Variants in KATNIP observed in about 807,000 individuals in gnomAD.
KATNIP encodes the protein katanin-interacting protein.
KATNIP carries 126 observed loss-of-function variants against 174.0 expected under a neutral mutation model. The observed-to-expected ratio is 0.72, with a 90% CI of 0.63 to 0.84. The LOEUF is 0.84. Among genes scored for constraint, KATNIP ranks in the 40% least tolerant of loss-of-function variants. The pLI is 0.00. For synonymous variants in KATNIP, 810 were observed against 835.7 expected (o/e 0.97, Z 0.53); for missense variants, 1,958 against 2,109.7 (o/e 0.93, Z 1.41).
At chr16:27,624,147 G>A (rs939319824) in intron 3 of KATNIP, among the ~76,000 whole-genome samples, 2 of 151,778 alleles carry the variant, frequency 1.3e-5, no homozygotes, top group Non-Finnish European at 2.9e-5. Flanking sequence ...TTCTCCTGGG[G>A]CTGCAGGCCC....
rs150681595 is a variant in KATNIP at position 27,749,697 on chromosome 16, C to T, written c.2737C>T (p.Arg913Cys). ...LSAFDRSHRG[R>C]ISNTELPGDI... ...TGCCTTCGACCGCTCCCACCGGGGA[C>T]GCATCTCCAACACGGAGCTCCCGGG... Residue 913 changes from arginine (R) to cysteine (C), a missense_variant, in exon 16 of 28, where the codon CGC becomes TGC. Arg to Cys is a radical substitution (Grantham distance 180). Around this residue, in one of 3 missense-constraint regions of KATNIP, gnomAD observed 1,557 missense variants for 1,617.8 expected, o/e 0.96. Coordinates refer to ENST00000261588, the MANE Select transcript of KATNIP (RefSeq NM_015202.5). The T allele has an allele frequency of 1.8e-5, 29 of 1,613,414 alleles. No individual in the cohort carries two copies. Among genetic ancestry groups the T allele is most frequent in the Admixed American group, 6.7e-5 (4 of 59,920 alleles).
Position 27,740,849 on chromosome 16 carries a change from C to T in KATNIP, c.2552C>T (p.Ala851Val), listed in dbSNP as rs1183859580. 6.2e-7 allele frequency: 1 copy of T among 1,612,102 alleles called. No individual in the cohort carries two copies. Among genetic ancestry groups the T allele is most frequent in the Non-Finnish European group, 8.5e-7 (1 of 1,179,136 alleles). The change falls in exon 15 of 28, where the codon GCT becomes GTT. Residue 851 changes from alanine (A) to valine (V), a missense_variant. This residue lies in a region of KATNIP where 1,557 missense variants were observed against 1,617.8 expected (regional missense o/e 0.96). Coordinates refer to ENST00000261588, the MANE Select transcript of KATNIP (RefSeq NM_015202.5). ...CAGCCCCCCAACAGAGAGCGCCCTG[C>T]TAGTGGGAGGAGGGGCTCAAGGAAG... ...FNQPPNRERPASGRRGSRKDA... is the reference protein window; with the variant it reads ...FNQPPNRERPVSGRRGSRKDA...
intron 5 of KATNIP, among the ~76,000 whole-genome samples, chr16:27,646,178 G>C (rs1008549489): frequency 1.3e-5 from 2 of 152,148 alleles, no homozygotes; most frequent in Non-Finnish European, 2.9e-5. Flanking sequence ...GTTTCAGTGG[G>C]GCTCGCTTCA....
intron 13 of KATNIP, among the ~76,000 whole-genome samples, chr16:27,713,706 ATAT>A (rs1304004640): frequency 3.6e-5 from 5 of 138,776 alleles, no homozygotes; most frequent in South Asian, 4.3e-4. Context: ...ATACACATAC[ATAT>A]TATATATATG....
At chr16:27,706,787 C>T (rs781123957) in intron 12 of KATNIP, among the ~76,000 whole-genome samples, 4 of 152,242 alleles carry the variant, frequency 2.6e-5, no homozygotes, top group African/African-American at 9.6e-5. Flanking sequence ...GCAAGGTGAA[C>T]GGTGCCACTT....
At chr16:27,642,286 A>C (rs953685074) in intron 5 of KATNIP, among the ~76,000 whole-genome samples, 2 of 152,200 alleles carry the variant, frequency 1.3e-5, no homozygotes, top group African/African-American at 4.8e-5. Flanking sequence ...GAATGCTGGA[A>C]TCATTCTCAG....
At chr16:27,585,151 A>G (rs2090844312) in intron 2 of KATNIP, among the ~76,000 whole-genome samples, 1 of 152,110 alleles carries the variant, frequency 6.6e-6, no homozygotes, top group South Asian at 2.1e-4. Flanking sequence ...TCTGATACTT[A>G]CCTCCCCAAA....
At chr16:27,573,879 T>C in intron 1 of KATNIP, 22 bp from the exon 2 acceptor site, 1 of 1,613,772 alleles carries the variant, frequency 6.2e-7, no homozygotes, top group South Asian at 1.1e-5. Context: ...TTAATCTTGG[T>C]TCTGCTTTTG....
chr16:27,749,492 C>T lies in KATNIP; in HGVS notation c.2624-92C>T. The T allele has an allele frequency of 3.5e-6, 5 of 1,433,782 alleles. No individual in the cohort carries two copies. The South Asian group carries it at 7.6e-5, about 22-fold the overall frequency. 88.8% of individuals were successfully genotyped at this position (1,433,782 alleles called of 1,614,324 possible). On this transcript the variant is annotated intron_variant, in intron 15 of 27. Coordinates refer to ENST00000261588, the MANE Select transcript of KATNIP (RefSeq NM_015202.5). The stretch of plus-strand genomic sequence containing the variant: ...CTCCCCTGGAGGTGGCCCTGCCTCA[C>T]TGAGAGCCACCACAGGAGACAGTCT...
intron 6 of KATNIP, among the ~76,000 whole-genome samples, chr16:27,654,155 T>C (rs2077197786): frequency 6.6e-6 from 1 of 152,046 alleles, no homozygotes; most frequent in Non-Finnish European, 1.5e-5. Flanking sequence ...TTTGAATTTT[T>C]AGTAGAGATG....
At chr16:27,589,616 G>C (rs966372156) in intron 2 of KATNIP, among the ~76,000 whole-genome samples, 1 of 152,140 alleles carries the variant, frequency 6.6e-6, no homozygotes, top group Non-Finnish European at 1.5e-5. Context: ...CTTTCTAATT[G>C]TATGGAATAG....
intron 15 of KATNIP, among the ~76,000 whole-genome samples, chr16:27,746,993 A>C (rs1275873958): frequency 6.6e-6 from 1 of 152,234 alleles, no homozygotes; most frequent in African/African-American, 2.4e-5. Flanking sequence ...CCAAGAGGTC[A>C]TTGGAATTGA....
At chr16:27,688,409 ACG>A (rs2078597723) in intron 8 of KATNIP, among the ~76,000 whole-genome samples, 1 of 152,200 alleles carries the variant, frequency 6.6e-6, no homozygotes, top group Non-Finnish European at 1.5e-5. Flanking sequence ...CCTGACCAGT[ACG>A]GTGAAACCCC....
intron 6 of KATNIP, among the ~76,000 whole-genome samples, chr16:27,667,842 GC>G (rs1405536059): frequency 6.6e-6 from 1 of 152,164 alleles, no homozygotes; most frequent in African/African-American, 2.4e-5. Context: ...TGACCCCTCA[GC>G]AGCCTTTTTT....
chr16:27,648,827 T>C (rs954461250), intron 6 of KATNIP, 92 bp downstream of exon 6: 11 of 1,378,520 alleles, frequency 8.0e-6, no homozygotes, highest in Non-Finnish European at 1.1e-5. Context: ...CTGACAGTTA[T>C]TTATTCTGTC....
chr16:27,717,301 A>C (rs2079996952), intron 13 of KATNIP, among the ~76,000 whole-genome samples: 1 of 152,096 alleles, frequency 6.6e-6, no homozygotes, highest in Non-Finnish European at 1.5e-5. Context: ...GCTACTTCTG[A>C]GGGCAGCGCA....
intron 3 of KATNIP, among the ~76,000 whole-genome samples, chr16:27,623,902 G>C (rs1295909466): frequency 6.6e-6 from 1 of 151,912 alleles, no homozygotes; most frequent in Non-Finnish European, 1.5e-5. Context: ...TGTGTTCAAA[G>C]GGTCCTCATT....
At chr16:27,578,841 G>C (rs561842737) in intron 2 of KATNIP, among the ~76,000 whole-genome samples, 1 of 152,300 alleles carries the variant, frequency 6.6e-6, no homozygotes, top group African/African-American at 2.4e-5. Context: ...GCCTTCCAAA[G>C]TGCTGGGATT....
rs559606155 is a variant in KATNIP at position 27,558,592 on chromosome 16, CAAAGCA to C, written c.7+8416_7+8421del. On this transcript the variant is annotated intron_variant, in intron 1 of 27. Coordinates refer to ENST00000261588, the MANE Select transcript of KATNIP (RefSeq NM_015202.5). ...TATTTGTAGAGGTCTTCCCCTTTCCCAAAGCAGTGTGGCCCACTGCCTGCTATTGTA... is the reference window on the plus strand; with the variant it reads ...TATTTGTAGAGGTCTTCCCCTTTCCCGTGTGGCCCACTGCCTGCTATTGTA... 2.0e-5 allele frequency among the ~76,000 whole-genome samples: 3 copies of C among 152,328 alleles called. No individual in the cohort carries two copies. In the East Asian group the frequency reaches 5.8e-4, roughly 29 times the overall value.
Sources: allele counts gnomAD v4.1 joint callset (sites outside exome capture counted in the v4.1 genomes callset), GRCh38; gene constraint gnomAD v4.1.1; regional missense constraint gnomAD v4.1.1; transcripts MANE v1.5; gene names NCBI Gene and HGNC (gene_info 2026-07-23, HGNC 2026-07-21).